TMEM132B: variants seen among roughly 807,000 people sequenced by gnomAD.
TMEM132B encodes transmembrane protein 132B.
TMEM132B carries 18 observed loss-of-function variants against 90.8 expected under a neutral mutation model. The ratio of observed to expected loss-of-function variants is 0.20; its 90% confidence interval spans 0.14 to 0.29. The LOEUF is 0.29. TMEM132B is among the 10% of genes least tolerant of loss of function. TMEM132B has a pLI of 1.00. For synonymous variants in TMEM132B, 504 were observed against 523.3 expected, an observed-to-expected ratio of 0.96 and a Z score of 0.50; for missense variants, 1,096 against 1,326.8, an observed-to-expected ratio of 0.83 and a Z score of 2.70.
chr12:125,356,916 C>T (rs1877793611), intron 2 of TMEM132B, among the ~76,000 whole-genome samples: 1 of 152,204 alleles, frequency 6.6e-6, no homozygotes, highest in African/African-American at 2.4e-5. Context: ...ATTTTTTGAC[C>T]TACTATATTT....
intron 3 of TMEM132B, among the ~76,000 whole-genome samples, chr12:125,503,347 A>G (rs1323178507): frequency 6.6e-6 from 1 of 152,174 alleles, no homozygotes. Flanking sequence ...ACAGCCACAC[A>G]GCCTCTCATT....
chr12:125,467,378 T>G (rs1881591633), intron 3 of TMEM132B, among the ~76,000 whole-genome samples: 1 of 152,032 alleles, frequency 6.6e-6, no homozygotes, highest in Non-Finnish European at 1.5e-5. Flanking sequence ...GTCTCCCCTC[T>G]CCTCCTCCTC....
At chr12:125,644,677 G>C (rs951900157) in intron 6 of TMEM132B, among the ~76,000 whole-genome samples, 1 of 152,042 alleles carries the variant, frequency 6.6e-6, no homozygotes, top group African/African-American at 2.4e-5. Context: ...CTTCCTCCAT[G>C]GAGCACAGTA....
At chr12:125,265,726 T>C (rs1874677450) in intron 1 of TMEM132B, among the ~76,000 whole-genome samples, 1 of 152,146 alleles carries the variant, frequency 6.6e-6, no homozygotes, top group Admixed American at 6.5e-5. Context: ...CCTTTACCCT[T>C]TACCTGTTTT....
At chr12:125,294,404 G>C (rs1384108535) in intron 1 of TMEM132B, among the ~76,000 whole-genome samples, 3 of 152,172 alleles carry the variant, frequency 2.0e-5, no homozygotes, top group Non-Finnish European at 4.4e-5. Flanking sequence ...TCTATCAAAA[G>C]GAAATAATCT....
intron 1 of TMEM132B, among the ~76,000 whole-genome samples, chr12:125,243,351 G>A (rs1874133167): frequency 6.7e-6 from 1 of 150,364 alleles, no homozygotes; most frequent in Non-Finnish European, 1.5e-5. Flanking sequence ...CTGTTGTCTG[G>A]GCTGGAGTGC....
intron 2 of TMEM132B, among the ~76,000 whole-genome samples, chr12:125,413,779 TTGCCCACAG>T (rs1328707384): frequency 1.1e-4 from 16 of 152,246 alleles, no homozygotes; most frequent in Admixed American, 1.0e-3. Flanking sequence ...CTTTTACGTA[TTGCCCACAG>T]TGCTGCTGTG....
chr12:125,601,031 C>T (rs1455761323), intron 5 of TMEM132B, among the ~76,000 whole-genome samples: 1 of 152,086 alleles, frequency 6.6e-6, no homozygotes, highest in Non-Finnish European at 1.5e-5. Flanking sequence ...GACTTTAACA[C>T]CCCACTGTCA....
intron 1 of TMEM132B, among the ~76,000 whole-genome samples, chr12:125,243,032 T>TATATATATATATATACACACACAC (rs1215676534): frequency 7.4e-6 from 1 of 135,030 alleles, no homozygotes; most frequent in Non-Finnish European, 1.6e-5. Context: ...TATATATATA[T>TATATATATATATATACACACACAC]ACACACACAC....
At chr12:125,404,002 C>G (rs1300838721) in intron 2 of TMEM132B, among the ~76,000 whole-genome samples, 1 of 152,086 alleles carries the variant, frequency 6.6e-6, no homozygotes, top group Non-Finnish European at 1.5e-5. Flanking sequence ...GATGTGAGAT[C>G]TGGAGCTGCT....
intron 4 of TMEM132B, among the ~76,000 whole-genome samples, chr12:125,537,257 A>G (rs1883829867): frequency 6.6e-6 from 1 of 152,264 alleles, no homozygotes; most frequent in Admixed American, 6.5e-5. Context: ...ATGTTGTTCA[A>G]GGGTATTGCC....
intron 3 of TMEM132B, among the ~76,000 whole-genome samples, chr12:125,504,585 C>T (rs912376249): frequency 5.9e-5 from 9 of 152,140 alleles, no homozygotes; most frequent in African/African-American, 2.2e-4. Flanking sequence ...AACATTAGCA[C>T]TGGTGATTCC....
At chr12:125,376,940 C>A (rs1317678307) in intron 2 of TMEM132B, among the ~76,000 whole-genome samples, 1 of 152,206 alleles carries the variant, frequency 6.6e-6, no homozygotes, top group Non-Finnish European at 1.5e-5. Context: ...CATCCAGAAC[C>A]CTCCCACGGT....
At chr12:125,312,749 C>G (rs1163277603) in intron 1 of TMEM132B, among the ~76,000 whole-genome samples, 1 of 152,194 alleles carries the variant, frequency 6.6e-6, no homozygotes, top group East Asian at 1.9e-4. Context: ...TGTCAGGATT[C>G]AGGTGTGAAT....
chr12:125,186,525 G>A lies in TMEM132B; in HGVS notation c.-275G>A, dbSNP rs1393096689. On this transcript the variant is annotated 5_prime_UTR_variant, in exon 1 of 9. Transcript: ENST00000682704. The surrounding 1 kb of genome is among the most constrained non-coding windows in gnomAD (Gnocchi z 6.3). ...CGGCGGCGGGGGCCGCGCAACTCGGGCCAACTGCGGGGCAGCCGGCCAGGG... is the reference window on the plus strand; with the variant it reads ...CGGCGGCGGGGGCCGCGCAACTCGGACCAACTGCGGGGCAGCCGGCCAGGG... Among the ~76,000 whole-genome samples the A allele has an allele frequency of 4.1e-5, 6 of 146,566 alleles. No individual in the cohort carries two copies. The highest frequency in any genetic ancestry group is 3.9e-4 in the East Asian group (2 of 5,130).
intron 1 of TMEM132B, among the ~76,000 whole-genome samples, chr12:125,320,016 A>G (rs571992789): frequency 9.0e-6 from 1 of 111,244 alleles, no homozygotes; most frequent in African/African-American, 2.7e-5. Flanking sequence ...GACCCTGCCT[A>G]AAAAAAAAAA....
At chr12:125,355,440 T>G (rs161883) in intron 2 of TMEM132B, among the ~76,000 whole-genome samples, 1 of 151,752 alleles carries the variant, frequency 6.6e-6, no homozygotes, top group Non-Finnish European at 1.5e-5. Flanking sequence ...TGGCCCGGAG[T>G]TGGAAGCAGA....
At chr12:125,544,210 G>T (rs1884030053) in intron 4 of TMEM132B, among the ~76,000 whole-genome samples, 1 of 152,116 alleles carries the variant, frequency 6.6e-6, no homozygotes, top group South Asian at 2.1e-4. Context: ...GGTGGGTAGG[G>T]AGAGCATCAG....
chr12:125,341,895 C>T (rs1877190950), intron 1 of TMEM132B, among the ~76,000 whole-genome samples: 1 of 152,082 alleles, frequency 6.6e-6, no homozygotes, highest in Non-Finnish European at 1.5e-5. Flanking sequence ...ATTAGGGGTC[C>T]ACTTCCCCTG....
Sources: allele counts gnomAD v4.1 joint callset (sites outside exome capture counted in the v4.1 genomes callset), GRCh38; gene constraint gnomAD v4.1.1; non-coding constraint Gnocchi (gnomAD v3.1); transcripts MANE v1.5; gene names NCBI Gene and HGNC (gene_info 2026-07-23, HGNC 2026-07-21).